Variants in ADCK5 observed in about 807,000 individuals in gnomAD.
ADCK5 encodes the protein uncharacterized aarF domain-containing protein kinase 5.
In ADCK5, 43 loss-of-function variants were observed where a neutral mutation model predicts 64.9. The observed-to-expected ratio is 0.66, with a 90% CI of 0.52 to 0.85. The LOEUF (loss-of-function observed/expected upper bound fraction) is 0.85. ADCK5 is among the 40% of genes least tolerant of loss of function. The probability of loss-of-function intolerance (pLI) is 0.00; values close to 1 mark genes in which losing one functional copy is unlikely to be tolerated. For missense variants in ADCK5, 760 were observed against 810.5 expected (o/e 0.94, Z 0.76); for synonymous variants, 434 against 342.8 (o/e 1.27, Z -2.94).
chr8:144,387,207 G>T (rs367723890), intron 3 of ADCK5, among the ~76,000 whole-genome samples: 1 of 152,170 alleles, frequency 6.6e-6, no homozygotes, highest in African/African-American at 2.4e-5. Flanking sequence ...TTGTCAGTGT[G>T]GGTTTGTCTG....
rs1554861483 is a variant in ADCK5 at position 144,392,700 on chromosome 8, C to T, written c.1520+3C>T. On this transcript the variant is annotated splice_donor_region_variant and intron_variant, in intron 13 of 14. Coordinates refer to ENST00000308860, the MANE Select transcript of ADCK5 (RefSeq NM_174922.5). ...CGCTACTTCCTTATGGCTAAAAGGTCGGTGGCCCGAGGAGGCGCCCGGGCC... is the reference window on the plus strand; with the variant it reads ...CGCTACTTCCTTATGGCTAAAAGGTTGGTGGCCCGAGGAGGCGCCCGGGCC... The T allele has an allele frequency of 1.9e-6, 3 of 1,592,040 alleles. No individual in the cohort carries two copies. Among genetic ancestry groups the T allele is most frequent in the Non-Finnish European group, 8.6e-7 (1 of 1,169,090 alleles).
chr8:144,375,664 C>T, intron 1 of ADCK5: 1 of 985,370 alleles, frequency 1.0e-6, no homozygotes, highest in Non-Finnish European at 1.2e-6. Context: ...AGAATACTTG[C>T]CGCTTTCAAG....
intron 2 of ADCK5, among the ~76,000 whole-genome samples, chr8:144,380,034 CCTT>C (rs1554857842): frequency 6.6e-6 from 1 of 152,208 alleles, no homozygotes; most frequent in African/African-American, 2.4e-5. Context: ...GCAGGGGTCT[CCTT>C]CTCCCGAGAG....
chr8:144,388,744 C>A (rs1820059341), intron 3 of ADCK5, among the ~76,000 whole-genome samples: 1 of 150,288 alleles, frequency 6.7e-6, no homozygotes, highest in Non-Finnish European at 1.5e-5. Flanking sequence ...GCCTGGGCGA[C>A]AGAGCGAGAC....
chr8:144,377,823 T>C (rs1052660765), intron 1 of ADCK5, among the ~76,000 whole-genome samples: 7 of 152,210 alleles, frequency 4.6e-5, no homozygotes, highest in Non-Finnish European at 8.8e-5. Context: ...ACCTTCAAGG[T>C]TGGCGTCTGC....
chr8:144,392,420 C>CCCCG, intron 12 of ADCK5, 25 bp from the exon 13 acceptor site: 1 of 1,345,886 alleles, frequency 7.4e-7, no homozygotes, highest in Non-Finnish European at 9.9e-7. Context: ...GAGCCCCCTC[C>CCCCG]CTCCCTCCCT....
At chr8:144,383,050 G>GC in intron 2 of ADCK5, 31 bp from the exon 3 acceptor site, 1 of 1,572,704 alleles carries the variant, frequency 6.4e-7, no homozygotes, top group South Asian at 1.2e-5. Flanking sequence ...TGTGGGGGGC[G>GC]GCGCCTCCAG....
chr8:144,384,306 G>T lies in ADCK5; in HGVS notation c.266+1076G>T, dbSNP rs1358473656. Among the ~76,000 whole-genome samples the T allele has an allele frequency of 2.6e-5, 4 of 152,208 alleles. No individual in the cohort carries two copies. The highest frequency in any genetic ancestry group is 9.6e-5 in the African/African-American group (4 of 41,528). Reference sequence around the variant, plus strand: ...GCCTCCGAGCATCTGCCAGGCCTAGGTCAGTTTCTCAGCAAGTGCCTCGGC... The same window carrying T: ...GCCTCCGAGCATCTGCCAGGCCTAGTTCAGTTTCTCAGCAAGTGCCTCGGC... On this transcript the variant is annotated intron_variant, in intron 3 of 14. Transcript: ENST00000308860. This position sits in a 1 kb window ranked among gnomAD's most constrained non-coding sequence, Gnocchi z 5.7.
Position 144,392,048 on chromosome 8 carries a change from G to T in ADCK5, c.1096+26G>T, listed in dbSNP as rs781843786. 13 of 1,612,260 alleles carry T rather than the reference G, an allele frequency of 8.1e-6. No individual in the cohort carries two copies. The Admixed American group carries it at 1.7e-4, about 21-fold the overall frequency. On this transcript the variant is annotated intron_variant, in intron 10 of 14. Transcript: ENST00000308860. Reference sequence around the variant, plus strand: ...GTAGGAATTTACCCCAGGGGTGGGGGTCTCAGGGTGGGCGCAGCGCGACCT... The same window carrying T: ...GTAGGAATTTACCCCAGGGGTGGGGTTCTCAGGGTGGGCGCAGCGCGACCT...
intron 3 of ADCK5, among the ~76,000 whole-genome samples, chr8:144,387,558 C>T (rs995961735): frequency 3.3e-5 from 5 of 152,152 alleles, no homozygotes; most frequent in Non-Finnish European, 7.3e-5. Flanking sequence ...CCTGCCACCA[C>T]ACCCAGCTAA....
rs1819829583 is a variant in ADCK5 at position 144,384,601 on chromosome 8, C to T, written c.266+1371C>T. Among the ~76,000 whole-genome samples, 1 of 152,186 alleles carries T rather than the reference C, an allele frequency of 6.6e-6. No homozygotes were observed. Among genetic ancestry groups the T allele is most frequent in the Admixed American group, 6.5e-5 (1 of 15,274 alleles). On this transcript the variant is annotated intron_variant, in intron 3 of 14. Coordinates refer to ENST00000308860, the MANE Select transcript of ADCK5 (RefSeq NM_174922.5). This position sits in a 1 kb window ranked among gnomAD's most constrained non-coding sequence, Gnocchi z 5.7. Reference sequence around the variant, plus strand: ...AGAGCCTCGGGTCCTCTGCCTTTTTCTCGTGACCCTCCGCTGCAGTGCATG... The same window carrying T: ...AGAGCCTCGGGTCCTCTGCCTTTTTTTCGTGACCCTCCGCTGCAGTGCATG...
chr8:144,390,356 T>C (rs1820155114), intron 3 of ADCK5, among the ~76,000 whole-genome samples: 1 of 152,224 alleles, frequency 6.6e-6, no homozygotes, highest in Non-Finnish European at 1.5e-5. Flanking sequence ...CTCGAACTCC[T>C]GAGCTCAAGT....
chr8:144,385,034 C>T (rs782007231), intron 3 of ADCK5, among the ~76,000 whole-genome samples: 3 of 151,984 alleles, frequency 2.0e-5, no homozygotes, highest in Non-Finnish European at 2.9e-5. Flanking sequence ...AGGAGCATGG[C>T]GGTGCCAGTG....
chr8:144,383,910 T>C (rs1352823642), intron 3 of ADCK5, among the ~76,000 whole-genome samples: 2 of 57,680 alleles, frequency 3.5e-5, no homozygotes, highest in East Asian at 1.2e-3. Context: ...TTTTTTTTTT[T>C]GAGACAGAGT....
chr8:144,389,808 G>A (rs1363420338), intron 3 of ADCK5, among the ~76,000 whole-genome samples: 2 of 151,264 alleles, frequency 1.3e-5, no homozygotes, highest in Non-Finnish European at 2.9e-5. Flanking sequence ...GGGATCATAG[G>A]TGTGAGCTAC....
At chr8:144,375,751 A>C (rs782018860) in intron 1 of ADCK5, 14 of 769,712 alleles carry the variant, frequency 1.8e-5, no homozygotes, top group Admixed American at 6.3e-5. Flanking sequence ...CACACTCACC[A>C]TAAGAAAGCA....
chr8:144,388,681 C>T (rs914533492), intron 3 of ADCK5, among the ~76,000 whole-genome samples: 4 of 151,448 alleles, frequency 2.6e-5, no homozygotes, highest in Non-Finnish European at 4.4e-5. Context: ...AGGAGAACGG[C>T]GTGAACCTGG....
At position 144,392,686 on chromosome 8, in the gene ADCK5, T is replaced by C; in HGVS notation, c.1509T>C (p.Leu503=). The change falls in exon 13 of 15, where the codon CTT becomes CTC. Residue 503 remains leucine (L), a synonymous_variant. Transcript: ENST00000308860. ...GCGCCCCCGTGGACCGCTACTTCCT[T>C]ATGGCTAAAAGGTCGGTGGCCCGAG... is the stretch of plus-strand genomic sequence containing the variant. ...ALGAPVDRYF[L]MAKRAVRGWS... 1 of 1,596,020 alleles carries C rather than the reference T, an allele frequency of 6.3e-7. No individual in the cohort carries two copies.
intron 3 of ADCK5, among the ~76,000 whole-genome samples, chr8:144,388,262 C>T (rs1329780348): frequency 6.7e-5 from 10 of 150,266 alleles, no homozygotes; most frequent in African/African-American, 1.7e-4. Context: ...GAGGCTGAGG[C>T]GGGAGAATTG....
Sources: gnomAD v4.1 joint callset for allele counts (sites outside exome capture counted in the v4.1 genomes callset) on GRCh38, gnomAD v4.1.1 for gene constraint, Gnocchi (gnomAD v3.1) non-coding constraint, MANE v1.5 for transcripts, NCBI Gene and HGNC (gene_info 2026-07-23, HGNC 2026-07-21) for gene names.